Variants in RNF150 observed in about 807,000 individuals in gnomAD.
The protein encoded by RNF150 is ring finger protein 150.
Under a neutral mutation model 39.3 loss-of-function variants are expected in RNF150, and 24 were observed. That is an observed-to-expected ratio of 0.61 (90% CI 0.44 to 0.86). The LOEUF (loss-of-function observed/expected upper bound fraction) is 0.86, where lower values mean the gene tolerates loss of function less well. RNF150 is among the 40% of genes least tolerant of loss of function. The probability of loss-of-function intolerance (pLI) is 0.00; values close to 1 mark genes in which losing one functional copy is unlikely to be tolerated. For missense variants in RNF150, 502 were observed against 587.8 expected, an observed-to-expected ratio of 0.85 and a Z score of 1.51; for synonymous variants, 255 against 227.3, an observed-to-expected ratio of 1.12 and a Z score of -1.10.
At chr4:140,903,838 G>C (rs1730277594) in intron 6 of RNF150, among the ~76,000 whole-genome samples, 1 of 152,180 alleles carries the variant, frequency 6.6e-6, no homozygotes. Flanking sequence ...CAGGCTGAGT[G>C]CTCCAAGTAG....
chr4:141,184,803 C>T (rs902411591), intron 1 of RNF150, among the ~76,000 whole-genome samples: 5 of 151,980 alleles, frequency 3.3e-5, no homozygotes, highest in Middle Eastern at 3.4e-3. Context: ...TGTCTAAGAT[C>T]AGATGGTTGT....
chr4:141,022,014 G>A lies in RNF150; in HGVS notation c.485-54141C>T, dbSNP rs144935236. On this transcript the variant is annotated intron_variant, in intron 1 of 6. Transcript: ENST00000515673. Reference sequence around the variant, plus strand: ...TGCAACTCATGCTCTGTGCCTCATCGGAGCAGATGCTGGGACAGCAGTTGC... The same window carrying A: ...TGCAACTCATGCTCTGTGCCTCATCAGAGCAGATGCTGGGACAGCAGTTGC... 4.9e-3 allele frequency among the ~76,000 whole-genome samples: 746 copies of A among 152,268 alleles called. 4 individuals carry two copies. Among genetic ancestry groups the A allele is most frequent in the African/African-American group, 0.017 (719 of 41,552 alleles).
chr4:141,160,797 G>A (rs1197091516), intron 1 of RNF150, among the ~76,000 whole-genome samples: 1 of 152,202 alleles, frequency 6.6e-6, no homozygotes, highest in Non-Finnish European at 1.5e-5. Context: ...TGCCGTGATT[G>A]AAAGTTTCTT....
intron 6 of RNF150, among the ~76,000 whole-genome samples, chr4:140,876,352 G>A (rs1397947514): frequency 1.3e-5 from 2 of 152,214 alleles, no homozygotes; most frequent in East Asian, 3.8e-4. Flanking sequence ...CATTATGTTA[G>A]TGGGAAAGTT....
chr4:141,031,983 G>T (rs756522015), intron 1 of RNF150, among the ~76,000 whole-genome samples: 1 of 151,266 alleles, frequency 6.6e-6, no homozygotes, highest in African/African-American at 2.4e-5. Context: ...ATCCACTGAT[G>T]GATGAATGGA....
intron 6 of RNF150, among the ~76,000 whole-genome samples, chr4:140,879,812 C>A (rs1453766639): frequency 1.3e-5 from 2 of 151,984 alleles, no homozygotes; most frequent in African/African-American, 4.8e-5. Context: ...GAGCAAAATC[C>A]TGTCTCAAAA....
intron 1 of RNF150, among the ~76,000 whole-genome samples, chr4:141,055,021 T>C (rs1351795648): frequency 6.6e-6 from 1 of 152,140 alleles, no homozygotes; most frequent in Non-Finnish European, 1.5e-5. Context: ...AGGAGCACAA[T>C]TAAAGTGAAA....
chr4:141,017,626 T>G (rs1393115372), intron 1 of RNF150, among the ~76,000 whole-genome samples: 1 of 152,226 alleles, frequency 6.6e-6, no homozygotes, highest in Non-Finnish European at 1.5e-5. Flanking sequence ...TTCAGCATCC[T>G]AAGATCCTTT....
intron 5 of RNF150, among the ~76,000 whole-genome samples, chr4:140,922,528 A>G (rs1233498413): frequency 6.6e-6 from 1 of 152,072 alleles, no homozygotes; most frequent in Non-Finnish European, 1.5e-5. Flanking sequence ...CAATATCGTG[A>G]AAATGGCCAT....
At chr4:141,051,099 A>G (rs888975717) in intron 1 of RNF150, among the ~76,000 whole-genome samples, 1 of 152,168 alleles carries the variant, frequency 6.6e-6, no homozygotes, top group African/African-American at 2.4e-5. Context: ...TGCCAGGCTT[A>G]TGGCTTGTAC....
intron 5 of RNF150, among the ~76,000 whole-genome samples, chr4:140,912,975 A>C (rs1358386396): frequency 1.8e-4 from 28 of 152,042 alleles, no homozygotes; most frequent in South Asian, 8.3e-4. Context: ...AAAAAAAAAA[A>C]AAAAAAAAAC....
intron 1 of RNF150, among the ~76,000 whole-genome samples, chr4:141,156,733 C>CT (rs1553951683): frequency 7.0e-5 from 1 of 14,340 alleles, no homozygotes; most frequent in Non-Finnish European, 1.7e-4. Context: ...GTCTCTACTA[C>CT]TAAAAAAAAA....
intron 1 of RNF150, among the ~76,000 whole-genome samples, chr4:141,082,922 TTCAGATGAAGGGACTCTACATTTA>T (rs1738216583): frequency 6.6e-6 from 1 of 152,262 alleles, no homozygotes; most frequent in Admixed American, 6.5e-5. Flanking sequence ...TTCTTCCATC[TTCAGATGAAGGGACTCTACATTTA>T]AAACAGCAGG....
intron 4 of RNF150, among the ~76,000 whole-genome samples, chr4:140,941,941 T>C (rs750200612): frequency 5.9e-5 from 9 of 152,168 alleles, no homozygotes; most frequent in Non-Finnish European, 1.3e-4. Context: ...TTTCTTCTGT[T>C]AATAAAAGTA....
chr4:141,020,841 C>T (rs1735463781), intron 1 of RNF150, among the ~76,000 whole-genome samples: 2 of 152,118 alleles, frequency 1.3e-5, no homozygotes, highest in South Asian at 4.1e-4. Context: ...GGATGAGATC[C>T]TGGCTAACTA....
chr4:140,969,331 T>G (rs1265110628), intron 1 of RNF150, among the ~76,000 whole-genome samples: 1 of 152,140 alleles, frequency 6.6e-6, no homozygotes, highest in East Asian at 1.9e-4. Context: ...TGTAAAATCA[T>G]AAAGCCATAG....
chr4:141,163,214 C>G (rs1305989318), intron 1 of RNF150, among the ~76,000 whole-genome samples: 1 of 152,218 alleles, frequency 6.6e-6, no homozygotes, highest in Non-Finnish European at 1.5e-5. Context: ...GAGCCCACCA[C>G]AGTTCACCAA....
chr4:141,070,388 A>C (rs1477555314), intron 1 of RNF150, among the ~76,000 whole-genome samples: 2 of 149,560 alleles, frequency 1.3e-5, no homozygotes, highest in African/African-American at 4.9e-5. Flanking sequence ...AATGGGATCT[A>C]ATTAAACTAA....
At chr4:140,979,278 A>G (rs1733775635) in intron 1 of RNF150, among the ~76,000 whole-genome samples, 1 of 152,160 alleles carries the variant, frequency 6.6e-6, no homozygotes, top group African/African-American at 2.4e-5. Context: ...GTGGAATCAC[A>G]GTATAGGAGA....
Sources: allele counts gnomAD v4.1 joint callset (sites outside exome capture counted in the v4.1 genomes callset), GRCh38; gene constraint gnomAD v4.1.1; transcripts MANE v1.5; gene names NCBI Gene and HGNC (gene_info 2026-07-23, HGNC 2026-07-21).